Variants in MATN2 observed in about 807,000 individuals in gnomAD.
The protein encoded by MATN2 is matrilin-2.
In MATN2, 69 loss-of-function variants were observed where a neutral mutation model predicts 103.2. The observed-to-expected ratio is 0.67, with a 90% CI of 0.55 to 0.82. The LOEUF (loss-of-function observed/expected upper bound fraction) is 0.82, where lower values mean the gene tolerates loss of function less well. Ranked by LOEUF, MATN2 falls within the 40% of genes least tolerant of loss-of-function variation. The probability of loss-of-function intolerance (pLI) is 0.00; values close to 1 mark genes in which losing one functional copy is unlikely to be tolerated. For synonymous variants in MATN2, 429 were observed against 450.2 expected, an observed-to-expected ratio of 0.95 and a Z score of 0.60; for missense variants, 1,023 against 1,211.5, an observed-to-expected ratio of 0.84 and a Z score of 2.31.
At chr8:97,912,240 G>C (rs1168231775) in intron 2 of MATN2, among the ~76,000 whole-genome samples, 2 of 152,142 alleles carry the variant, frequency 1.3e-5, no homozygotes, top group East Asian at 3.9e-4. Context: ...TAAAACTGCT[G>C]TCTTTTTAAC....
chr8:98,030,574 GGATGA>G lies in MATN2; in HGVS notation c.2473_2477del (p.Glu825LysfsTer2), dbSNP rs866882228. ...TCTATGCCGAAGACTTCAGCACAAT[GGATGA>G]GATAAGTGAAAAACTCAAGAAAGGC... On this transcript the variant is annotated frameshift_variant, in exon 15 of 19. Transcript: ENST00000254898. LOFTEE classifies it high-confidence loss of function. 18 of 1,613,836 alleles carry G rather than the reference GGATGA, an allele frequency of 1.1e-5. No individual in the cohort carries two copies. Among genetic ancestry groups the G allele is most frequent in the African/African-American group, 8.0e-5 (6 of 74,906 alleles).
chr8:97,950,154 A>G (rs1810896281), intron 4 of MATN2, among the ~76,000 whole-genome samples: 1 of 152,192 alleles, frequency 6.6e-6, no homozygotes, highest in East Asian at 1.9e-4. Flanking sequence ...AGTTTATTGT[A>G]TGCCAGTTGT....
rs58988866 is a variant in MATN2, at chr8:97,894,323, C to CTTT, written c.142+6104_142+6106dup. Among the ~76,000 whole-genome samples, 114 of 59,238 alleles carry CTTT rather than the reference C, an allele frequency of 1.9e-3. 3 individuals carry two copies. The highest frequency in any genetic ancestry group is 6.3e-3 in the African/African-American group (100 of 15,950). The allele number at this position is 59,238 out of a possible 152,430, so 38.9% of individuals were successfully genotyped here. A position where few individuals can be genotyped will look rare whatever the true frequency, so the allele number is the denominator to read the frequency against. ...TAATGAAGAAAATCTAAGAATTCACCTTTTTTTTTTTTTTTTTTTTTTTTT... is the reference window on the plus strand; with the variant it reads ...TAATGAAGAAAATCTAAGAATTCACCTTTTTTTTTTTTTTTTTTTTTTTTTTTT... On this transcript the variant is annotated intron_variant, in intron 2 of 18. Coordinates refer to ENST00000254898, the MANE Select transcript of MATN2 (RefSeq NM_002380.5).
rs140278242 is a variant in MATN2 at position 97,901,519 on chromosome 8, C to T, written c.142+13277C>T. ...CCACCCACCTTGACCTCCCAAAGTGCTGTGATTACAGGCGTGAGCCACTGC... is the reference window on the plus strand; with the variant it reads ...CCACCCACCTTGACCTCCCAAAGTGTTGTGATTACAGGCGTGAGCCACTGC... On this transcript the variant is annotated intron_variant, in intron 2 of 18. Coordinates refer to ENST00000254898, the MANE Select transcript of MATN2 (RefSeq NM_002380.5). Among the ~76,000 whole-genome samples, 190 of 152,322 alleles carry T rather than the reference C, an allele frequency of 1.2e-3. 2 individuals carry two copies. The East Asian group carries it at 0.033, about 27-fold the overall frequency.
At chr8:97,994,690 T>C in intron 7 of MATN2, 88 bp downstream of exon 7, 1 of 1,412,680 alleles carries the variant, frequency 7.1e-7, no homozygotes, top group African/African-American at 1.4e-5. Context: ...TTAAGCAAGA[T>C]GTGCTTGTAT....
intron 10 of MATN2, among the ~76,000 whole-genome samples, chr8:98,009,992 G>A (rs1020532676): frequency 2.0e-5 from 3 of 152,160 alleles, no homozygotes; most frequent in African/African-American, 7.2e-5. Context: ...ACGGCCCCTG[G>A]CACAGGGTCC....
chr8:98,030,693 C>A, intron 15 of MATN2, 79 bp downstream of exon 15: 1 of 1,399,340 alleles, frequency 7.1e-7, no homozygotes, highest in Non-Finnish European at 9.8e-7. Flanking sequence ...GATGGAGTCT[C>A]ACTCTGTCAT....
intron 4 of MATN2, among the ~76,000 whole-genome samples, chr8:97,960,695 G>GAAA (rs1425137813): frequency 6.6e-6 from 1 of 152,202 alleles, no homozygotes; most frequent in Non-Finnish European, 1.5e-5. Flanking sequence ...AGCACAAAGA[G>GAAA]GGTTTTCAAA....
chr8:98,007,375 C>T lies in MATN2; in HGVS notation c.1451-104C>T. The T allele has an allele frequency of 6.4e-7, 1 of 1,552,396 alleles. No homozygotes were observed. Among genetic ancestry groups the T allele is most frequent in the Non-Finnish European group, 8.8e-7 (1 of 1,137,568 alleles). The stretch of plus-strand genomic sequence containing the variant: ...ATAGTGAGGATGTCCACTGGGACTG[C>T]ATGCCTTCGAGGGAGGGCGGGGTGA... On this transcript the variant is annotated intron_variant, in intron 9 of 18. Transcript: ENST00000254898. This position sits in a 1 kb window ranked among gnomAD's most constrained non-coding sequence, Gnocchi z 4.2.
At chr8:97,881,917 T>TTC (rs1332006103) in intron 1 of MATN2, among the ~76,000 whole-genome samples, 1 of 137,902 alleles carries the variant, frequency 7.3e-6, no homozygotes, top group Non-Finnish European at 1.6e-5. Context: ...ACTTATCTTT[T>TTC]TTTTTTTTTT....
At chr8:98,019,517 T>C (rs1055540322) in intron 12 of MATN2, among the ~76,000 whole-genome samples, 1 of 152,224 alleles carries the variant, frequency 6.6e-6, no homozygotes, top group Admixed American at 6.5e-5. Flanking sequence ...TAAATGTTAA[T>C]TGCATCTAAA....
intron 2 of MATN2, among the ~76,000 whole-genome samples, chr8:97,904,170 T>G (rs1002627549): frequency 1.3e-5 from 2 of 152,238 alleles, no homozygotes. Flanking sequence ...TTTTGTAAAG[T>G]AGGTATTAGC....
At chr8:97,916,914 G>A (rs1809649968) in intron 2 of MATN2, among the ~76,000 whole-genome samples, 1 of 152,132 alleles carries the variant, frequency 6.6e-6, no homozygotes, top group Non-Finnish European at 1.5e-5. Context: ...AGAGGAGACT[G>A]GTGTGATGTG....
intron 13 of MATN2, chr8:98,024,850 A>C (rs1018247976): frequency 7.5e-5 from 11 of 145,992 alleles, no homozygotes; most frequent in African/African-American, 2.9e-4. Context: ...CTGGCAAAAA[A>C]ATAGTCTAAT....
chr8:97,996,562 G>A (rs1322180970), intron 7 of MATN2, among the ~76,000 whole-genome samples: 2 of 152,178 alleles, frequency 1.3e-5, no homozygotes, highest in Non-Finnish European at 2.9e-5. Flanking sequence ...CTAAAGGCCA[G>A]TGTCCTCATC....
At position 97,982,849 on chromosome 8, in the gene MATN2, C is replaced by T. The variant is rs1273541300; in HGVS notation, c.1081+3841C>T. 1.3e-5 allele frequency among the ~76,000 whole-genome samples: 2 copies of T among 152,130 alleles called. No homozygotes were observed. Among genetic ancestry groups the T allele is most frequent in the Non-Finnish European group, 2.9e-5 (2 of 68,036 alleles). ...AACATACATAATAGAAAATTTACCA[C>T]TGTACTCATTCAGTGGCATTAAATA... On this transcript the variant is annotated intron_variant, in intron 6 of 18. Transcript: ENST00000254898. The surrounding 1 kb of genome is among the most constrained non-coding windows in gnomAD (Gnocchi z 4.3).
Position 98,033,043 on chromosome 8 carries a change from A to C in MATN2, c.2583A>C (p.Glu861Asp). The C allele has an allele frequency of 6.2e-7, 1 of 1,604,622 alleles. No homozygotes were observed. The highest frequency in any genetic ancestry group is 8.5e-7 in the Non-Finnish European group (1 of 1,177,306). The change falls in exon 17 of 19, where the codon GAA (glutamate) becomes GAC (aspartate). Residue 861 changes from glutamate (E) to aspartate (D), a missense_variant and splice_region_variant. By Grantham distance (45) the Glu-to-Asp change is conservative. Coordinates refer to ENST00000254898, the MANE Select transcript of MATN2 (RefSeq NM_002380.5). ...ELPKTVQQPT[E>D]SEPVTINIQD... Reference sequence around the variant, plus strand: ...TTGCAGTTTTCTTTCTCTTTACAGAATCTGAGCCAGTCACCATAAATATCC... The same window carrying C: ...TTGCAGTTTTCTTTCTCTTTACAGACTCTGAGCCAGTCACCATAAATATCC...
At chr8:97,911,734 T>A (rs1204283817) in intron 2 of MATN2, among the ~76,000 whole-genome samples, 1 of 151,942 alleles carries the variant, frequency 6.6e-6, no homozygotes, top group Non-Finnish European at 1.5e-5. Context: ...AAAATAAAGT[T>A]ATGCGGCCAG....
At chr8:98,024,506 A>G (rs1192570961) in intron 13 of MATN2, among the ~76,000 whole-genome samples, 1 of 94,464 alleles carries the variant, frequency 1.1e-5, no homozygotes, top group African/African-American at 6.7e-5. Context: ...TGCCATCTCA[A>G]ACAACAACAA....
Sources: gnomAD v4.1 joint callset for allele counts (sites outside exome capture counted in the v4.1 genomes callset) on GRCh38, gnomAD v4.1.1 for gene constraint, Gnocchi (gnomAD v3.1) non-coding constraint, MANE v1.5 for transcripts, NCBI Gene and HGNC (gene_info 2026-07-23, HGNC 2026-07-21) for gene names.